MAPRE1: variants seen among roughly 807,000 people sequenced by gnomAD.
The protein encoded by MAPRE1 is microtubule-associated protein RP/EB family member 1.
A neutral mutation model predicts 32.1 loss-of-function variants in MAPRE1; 5 were observed. That is an observed-to-expected ratio of 0.16 (90% CI 0.08 to 0.33). The LOEUF is 0.33. Among genes scored for constraint, MAPRE1 ranks in the 10% least tolerant of loss-of-function variants. MAPRE1 has a pLI of 1.00. For synonymous variants in MAPRE1, 122 were observed against 118.9 expected, an observed-to-expected ratio of 1.03 and a Z score of -0.17; for missense variants, 209 against 327.2, an observed-to-expected ratio of 0.64 and a Z score of 2.79.
chr20:32,826,311 G>A (rs1982847446), intron 2 of MAPRE1, among the ~76,000 whole-genome samples: 2 of 149,926 alleles, frequency 1.3e-5, no homozygotes, highest in South Asian at 2.1e-4. Context: ...CCGCTTCCCG[G>A]GTTCACACCA....
chr20:32,836,853 A>G lies in MAPRE1; in HGVS notation c.475+12A>G, dbSNP rs1235274562. 7.6e-6 allele frequency: 12 copies of G among 1,577,316 alleles called. No homozygotes were observed. The highest frequency in any genetic ancestry group is 1.7e-4 in the Middle Eastern group (1 of 5,892). On this transcript the variant is annotated intron_variant, in intron 4 of 6. Transcript: ENST00000375571. ...TTCTAGCAGTGCAGGTAAAAAAACA[A>G]CCCCAAAACGTTTCCAAAAAATAGC... is the stretch of plus-strand genomic sequence containing the variant.
rs201695439 is a variant in MAPRE1 at position 32,826,084 on chromosome 20, G to A, written c.121+36G>A. On this transcript the variant is annotated intron_variant, in intron 2 of 6. Transcript: ENST00000375571. ...TCTGCTGGATCATTTTTCTAGGAAA[G>A]CCTGTAGGTTTTTCAGGAATGTGAA... is the stretch of plus-strand genomic sequence containing the variant. The A allele has an allele frequency of 2.6e-6, 4 of 1,549,738 alleles. No individual in the cohort carries two copies. The South Asian group carries it at 3.5e-5, about 14-fold the overall frequency.
intron 3 of MAPRE1, 90 bp downstream of exon 3, chr20:32,833,952 CT>C (rs1252723783): frequency 7.9e-7 from 1 of 1,264,584 alleles, no homozygotes; most frequent in African/African-American, 1.5e-5. Context: ...TGGACATTTT[CT>C]TTTTTTTCTT....
intron 1 of MAPRE1, among the ~76,000 whole-genome samples, chr20:32,822,107 G>A (rs375086254): frequency 2.0e-5 from 3 of 152,154 alleles, no homozygotes; most frequent in East Asian, 3.8e-4. Context: ...AGGTATTAAT[G>A]TACTGCTAAT....
chr20:32,838,282 T>C (rs1290619142), intron 4 of MAPRE1, among the ~76,000 whole-genome samples: 1 of 152,238 alleles, frequency 6.6e-6, no homozygotes, highest in Non-Finnish European at 1.5e-5. Flanking sequence ...CTCAGCCTGC[T>C]GTTTTCAAGG....
intron 5 of MAPRE1, among the ~76,000 whole-genome samples, chr20:32,845,864 G>A (rs1051634652): frequency 1.3e-5 from 2 of 152,096 alleles, no homozygotes; most frequent in African/African-American, 4.8e-5. Flanking sequence ...CCCTTCTGCC[G>A]AGGTCGTTCT....
At chr20:32,841,800 C>T (rs1983371914) in intron 5 of MAPRE1, among the ~76,000 whole-genome samples, 1 of 152,180 alleles carries the variant, frequency 6.6e-6, no homozygotes, top group Admixed American at 6.5e-5. Context: ...TCTGAACTTA[C>T]TGCCTCACGT....
chr20:32,840,161 AAGG>A (rs1983321248), intron 5 of MAPRE1, among the ~76,000 whole-genome samples: 1 of 152,178 alleles, frequency 6.6e-6, no homozygotes, highest in Admixed American at 6.5e-5. Context: ...ATGAAAGATA[AAGG>A]AGGTCTCCTT....
intron 5 of MAPRE1, among the ~76,000 whole-genome samples, chr20:32,843,914 C>T (rs555227289): frequency 2.3e-4 from 34 of 150,420 alleles, no homozygotes; most frequent in African/African-American, 7.8e-4. Flanking sequence ...AGTGCAGTGG[C>T]GTGAGCTCAG....
chr20:32,836,590 C>A, intron 3 of MAPRE1, 44 bp from the exon 4 acceptor site: 1 of 1,214,750 alleles, frequency 8.2e-7, no homozygotes, highest in Non-Finnish European at 1.2e-6. Context: ...TGATGCTTGC[C>A]AAAAGCCTCT....
At chr20:32,840,942 A>G (rs937226531) in intron 5 of MAPRE1, among the ~76,000 whole-genome samples, 1 of 152,088 alleles carries the variant, frequency 6.6e-6, no homozygotes, top group African/African-American at 2.4e-5. Context: ...CAGCCTCCCG[A>G]GTAGCTGGGA....
intron 3 of MAPRE1, among the ~76,000 whole-genome samples, chr20:32,836,030 C>T (rs1327204941): frequency 2.0e-5 from 3 of 152,180 alleles, no homozygotes; most frequent in South Asian, 2.1e-4. Context: ...GGCACAGTCT[C>T]GACTCACTGC....
intron 2 of MAPRE1, among the ~76,000 whole-genome samples, chr20:32,831,777 T>G (rs1296094582): frequency 6.6e-6 from 1 of 152,028 alleles, no homozygotes; most frequent in Non-Finnish European, 1.5e-5. Flanking sequence ...TCAGGTGATC[T>G]GCCCGCCTTG....
At chr20:32,838,154 C>T (rs572466163) in intron 4 of MAPRE1, among the ~76,000 whole-genome samples, 2 of 152,106 alleles carry the variant, frequency 1.3e-5, no homozygotes, top group South Asian at 2.1e-4. Flanking sequence ...AGCTTTACCC[C>T]CTCCCTCCAG....
At chr20:32,834,733 G>A (rs1167857793) in intron 3 of MAPRE1, among the ~76,000 whole-genome samples, 4 of 152,050 alleles carry the variant, frequency 2.6e-5, no homozygotes, top group Non-Finnish European at 5.9e-5. Context: ...TTCATATACA[G>A]TAATTTTGCA....
At chr20:32,846,911 C>T in intron 6 of MAPRE1, 141 bp downstream of exon 6, 1 of 834,500 alleles carries the variant, frequency 1.2e-6, no homozygotes, top group South Asian at 1.7e-5. Context: ...CAGAGGGCAT[C>T]TCTGCCCAGC....
At position 32,844,269 on chromosome 20, in the gene MAPRE1, T is replaced by TA. The variant is rs553356535; in HGVS notation, c.598-2348dup. Among the ~76,000 whole-genome samples the TA allele has an allele frequency of 6.4e-3, 967 of 152,114 alleles. 13 individuals carry two copies. Among genetic ancestry groups the TA allele is most frequent in the Non-Finnish European group, 8.6e-3 (584 of 67,974 alleles). ...TTAGTGTTTGTTATGTGTGTATAGT[T>TA]ATGAGCAATATCATGGACAGATGCA... On this transcript the variant is annotated intron_variant, in intron 5 of 6. Transcript: ENST00000375571.
intron 6 of MAPRE1, among the ~76,000 whole-genome samples, 183 bp from the exon 7 acceptor site, chr20:32,848,489 T>A (rs1027968155): frequency 6.6e-6 from 1 of 152,228 alleles, no homozygotes; most frequent in Non-Finnish European, 1.5e-5. Flanking sequence ...TAAATTTGAC[T>A]GTGCTCAGTT....
upstream of MAPRE1, chr20:32,819,918 G>C (rs1053636355): frequency 2.6e-5 from 4 of 151,656 alleles, no homozygotes; most frequent in Admixed American, 1.3e-4. Flanking sequence ...TAACGAGGGG[G>C]TGCGTGTGAG....
Sources: gnomAD v4.1 joint callset for allele counts (sites outside exome capture counted in the v4.1 genomes callset) on GRCh38, gnomAD v4.1.1 for gene constraint, MANE v1.5 for transcripts, NCBI Gene and HGNC (gene_info 2026-07-23, HGNC 2026-07-21) for gene names.